Variants in SNX25 observed in about 807,000 individuals in gnomAD.
SNX25 encodes sorting nexin 25.
SNX25 carries 62 observed loss-of-function variants against 113.7 expected under a neutral mutation model. That is an observed-to-expected ratio of 0.55 (90% CI 0.44 to 0.67). The LOEUF (loss-of-function observed/expected upper bound fraction) is 0.67, where lower values mean the gene tolerates loss of function less well. SNX25 is among the 30% of genes least tolerant of loss of function. SNX25 has a pLI of 0.00. For synonymous variants in SNX25, 421 were observed against 436.2 expected (o/e 0.97, Z 0.43); for missense variants, 1,014 against 1,161.0 (o/e 0.87, Z 1.84).
chr4:185,236,011 C>T (rs1007409434), intron 1 of SNX25, among the ~76,000 whole-genome samples: 1 of 152,174 alleles, frequency 6.6e-6, no homozygotes, highest in Non-Finnish European at 1.5e-5. Flanking sequence ...TGGTAATTAA[C>T]ATTGTTGTCC....
chr4:185,354,080 A>C (rs535406176), intron 15 of SNX25, among the ~76,000 whole-genome samples: 1 of 151,188 alleles, frequency 6.6e-6, no homozygotes, highest in African/African-American at 2.4e-5. Context: ...ATACTATGCT[A>C]TATATACAAC....
intron 1 of SNX25, among the ~76,000 whole-genome samples, chr4:185,214,394 CAAAAAA>C (rs60179052): frequency 8.2e-6 from 1 of 122,342 alleles, no homozygotes; most frequent in Non-Finnish European, 1.7e-5. Flanking sequence ...CCATCTCTAC[CAAAAAA>C]AAAAAAAAAA....
At chr4:185,223,025 A>G (rs73025840) in intron 1 of SNX25, among the ~76,000 whole-genome samples, 388 of 152,344 alleles carry the variant, frequency 2.5e-3, no homozygotes, top group African/African-American at 8.6e-3. Context: ...TTATTATACA[A>G]TAAAGAATGC....
intron 13 of SNX25, among the ~76,000 whole-genome samples, chr4:185,348,891 C>G (rs183045841): frequency 0.024 from 3,684 of 151,950 alleles, 74 homozygotes; most frequent in South Asian, 0.059. Flanking sequence ...CTCTGGTAAC[C>G]ACCTCTCTGT....
At chr4:185,364,661 C>T (rs1229047421), downstream of SNX25, 1 of 151,944 alleles carries the variant, frequency 6.6e-6, no homozygotes, top group Non-Finnish European at 1.5e-5. Context: ...TTAGTTATAG[C>T]TTTTTTATCC....
intron 3 of SNX25, among the ~76,000 whole-genome samples, chr4:185,261,009 C>T (rs1179734826): frequency 6.6e-6 from 1 of 151,980 alleles, no homozygotes; most frequent in Non-Finnish European, 1.5e-5. Flanking sequence ...TTCCACCTGA[C>T]AAATACTGTG....
At chr4:185,321,326 G>A (rs1286937153) in intron 8 of SNX25, among the ~76,000 whole-genome samples, 2 of 150,032 alleles carry the variant, frequency 1.3e-5, no homozygotes, top group Non-Finnish European at 3.0e-5. Context: ...GCAGTGGGGC[G>A]ATCTCGGCTC....
At position 185,353,446 on chromosome 4, in the gene SNX25, A is replaced by C. The variant is rs766482213; in HGVS notation, c.2467-39A>C. 2.7e-6 allele frequency: 4 copies of C among 1,507,686 alleles called. No individual in the cohort carries two copies. The East Asian group carries it at 9.1e-5, about 34-fold the overall frequency. 93.4% of individuals were successfully genotyped at this position (1,507,686 alleles called of 1,614,324 possible). On this transcript the variant is annotated intron_variant, in intron 14 of 18. Transcript: ENST00000652585. ...AGAACAACTCTACCAATTTTCTTGG[A>C]TAAGTTATCTGCTTCCTATGACTTT...
chr4:185,224,286 G>A (rs1317702284), intron 1 of SNX25, among the ~76,000 whole-genome samples: 2 of 150,828 alleles, frequency 1.3e-5, no homozygotes, highest in East Asian at 3.9e-4. Context: ...AGGAAGCAGA[G>A]GTTGTAGTGA....
chr4:185,252,417 CTG>C (rs1466512912), intron 2 of SNX25, among the ~76,000 whole-genome samples: 2 of 152,198 alleles, frequency 1.3e-5, no homozygotes, highest in East Asian at 3.9e-4. Flanking sequence ...TTGAGGGTCT[CTG>C]TACATTTGCA....
At position 185,334,254 on chromosome 4, in the gene SNX25, C is replaced by T. The variant is rs1391953174; in HGVS notation, c.1914+1495C>T. ...TCAGGAGGGTGAGGCAGGAGAATCT[C>T]TTGAACCCGGGAGGCAGAAGTTGCG... On this transcript the variant is annotated intron_variant, in intron 10 of 18. Transcript: ENST00000652585. This position sits in a 1 kb window ranked among gnomAD's most constrained non-coding sequence, Gnocchi z 4.2. Among the ~76,000 whole-genome samples the T allele has an allele frequency of 6.6e-6, 1 of 152,150 alleles. No individual in the cohort carries two copies. The highest frequency in any genetic ancestry group is 2.4e-5 in the African/African-American group (1 of 41,424).
chr4:185,292,873 C>A (rs1490836218), intron 6 of SNX25, among the ~76,000 whole-genome samples: 1 of 152,186 alleles, frequency 6.6e-6, no homozygotes, highest in Non-Finnish European at 1.5e-5. Flanking sequence ...TGTGATCATA[C>A]CACTGTACTC....
chr4:185,370,914 C>A, downstream of SNX25: 1 of 1,266,506 alleles, frequency 7.9e-7, no homozygotes, highest in Non-Finnish European at 1.1e-6. Context: ...GAAGTGATTT[C>A]TCTCTACTGC....
At chr4:185,241,994 T>C (rs948194814) in intron 1 of SNX25, among the ~76,000 whole-genome samples, 2 of 152,232 alleles carry the variant, frequency 1.3e-5, no homozygotes, top group Non-Finnish European at 2.9e-5. Context: ...TGTTGAATTT[T>C]CATTAGCTTC....
downstream of SNX25, chr4:185,374,296 A>G: frequency 6.2e-7 from 1 of 1,614,022 alleles, no homozygotes; most frequent in Non-Finnish European, 8.5e-7. Flanking sequence ...TTCAAACCTA[A>G]TCTTGTTCTC....
chr4:185,350,659 G>A (rs1050711108), intron 13 of SNX25, among the ~76,000 whole-genome samples: 1 of 152,072 alleles, frequency 6.6e-6, no homozygotes, highest in African/African-American at 2.4e-5. Context: ...TCAGGAGCTC[G>A]AGATCAGCCT....
upstream of SNX25, chr4:185,209,454 CGTG>C (rs1737373114): frequency 6.6e-6 from 1 of 152,272 alleles, no homozygotes; most frequent in African/African-American, 2.4e-5. This position sits in a 1 kb window ranked among gnomAD's most constrained non-coding sequence, Gnocchi z 5.2. Context: ...GCCCTCTCCC[CGTG>C]GGGCCCCGGC....
At chr4:185,259,194 T>A in intron 3 of SNX25, 130 bp downstream of exon 3, 1 of 755,236 alleles carries the variant, frequency 1.3e-6, no homozygotes, top group Non-Finnish European at 2.1e-6. Context: ...GTAGATTTAT[T>A]AAGGGGGAAT....
At position 185,328,536 on chromosome 4, in the gene SNX25, G is replaced by A. The variant is rs576723226; in HGVS notation, c.1750-4059G>A. ...GAAGAGGAAAACATAAAGGCCTTTT[G>A]AATATACTCGTAGCTTGGATATCCA... is the stretch of plus-strand genomic sequence containing the variant. On this transcript the variant is annotated intron_variant, in intron 9 of 18. Transcript: ENST00000652585. Among the ~76,000 whole-genome samples, 33 of 152,304 alleles carry A rather than the reference G, an allele frequency of 2.2e-4. No individual in the cohort carries two copies. In the East Asian group the frequency reaches 5.8e-3, roughly 27 times the overall value.
Sources: gnomAD v4.1 joint callset for allele counts (sites outside exome capture counted in the v4.1 genomes callset) on GRCh38, gnomAD v4.1.1 for gene constraint, Gnocchi (gnomAD v3.1) non-coding constraint, MANE v1.5 for transcripts, NCBI Gene and HGNC (gene_info 2026-07-23, HGNC 2026-07-21) for gene names.